DACH2: variants seen among roughly 807,000 people sequenced by gnomAD.
The protein encoded by DACH2 is dachshund homolog 2.
DACH2 carries 17 observed loss-of-function variants against 35.8 expected under a neutral mutation model. The observed-to-expected ratio is 0.48, with a 90% CI of 0.33 to 0.71. The LOEUF (loss-of-function observed/expected upper bound fraction) is 0.71, where lower values mean the gene tolerates loss of function less well. DACH2 is among the 30% of genes least tolerant of loss of function. The pLI, the probability that DACH2 is intolerant of heterozygous loss-of-function variation, is 0.02. For missense variants in DACH2, 469 were observed against 472.7 expected (o/e 0.99, Z 0.07); for synonymous variants, 195 against 177.3 (o/e 1.10, Z -0.79).
intron 1 of DACH2, among the ~76,000 whole-genome samples, chrX:86,240,943 T>C (rs1265845167): frequency 9.0e-6 from 1 of 111,501 alleles, no homozygotes; most frequent in Non-Finnish European, 1.9e-5. Context: ...TGAGGCCTCC[T>C]AGCCATGCTT....
rs972278082 is a variant in DACH2 at position 86,725,122 on chromosome X, C to A, written c.1104+10402C>A. Among the ~76,000 whole-genome samples, 6 of 108,028 alleles carry A rather than the reference C, an allele frequency of 5.6e-5. No homozygotes were observed. The Admixed American group carries it at 6.0e-4, about 11-fold the overall frequency. 93.8% of individuals were successfully genotyped at this position (108,028 alleles called of 115,157 possible). Reference sequence around the variant, plus strand: ...TTTATTTGCATTTGTTTTCAGATTTCTCTTTCATGTGATTGAGCTTCTCTA... The same window carrying A: ...TTTATTTGCATTTGTTTTCAGATTTATCTTTCATGTGATTGAGCTTCTCTA... On this transcript the variant is annotated intron_variant, in intron 6 of 11. Coordinates refer to ENST00000373125, the MANE Select transcript of DACH2 (RefSeq NM_053281.3).
intron 3 of DACH2, among the ~76,000 whole-genome samples, chrX:86,550,415 C>T (rs886918757): frequency 1.8e-5 from 2 of 111,147 alleles, no homozygotes; most frequent in Non-Finnish European, 3.8e-5. Flanking sequence ...TGTAGAATAA[C>T]AGCTTCTAGG....
At chrX:86,391,136 G>A (rs1386282997) in intron 2 of DACH2, among the ~76,000 whole-genome samples, 1 of 105,439 alleles carries the variant, frequency 9.5e-6, no homozygotes, top group Non-Finnish European at 1.9e-5. Flanking sequence ...CAAAAAGTTA[G>A]CCAGGTGTGG....
intron 1 of DACH2, among the ~76,000 whole-genome samples, chrX:86,236,621 G>T (rs928001762): frequency 3.6e-5 from 4 of 111,974 alleles, no homozygotes; most frequent in African/African-American, 1.3e-4. Context: ...ACTGAATACT[G>T]TAGACAATTG....
At position 86,698,537 on chromosome X, in the gene DACH2, T is replaced by TTTTTTTTTTTTG. The variant is rs749962513; in HGVS notation, c.931+3369_931+3370insGTTTTTTTTTTT. 3.9e-4 allele frequency among the ~76,000 whole-genome samples: 26 copies of TTTTTTTTTTTTG among 66,655 alleles called. 4 individuals are homozygous for TTTTTTTTTTTTG. The highest frequency in any genetic ancestry group is 1.5e-3 in the African/African-American group (26 of 17,580). 57.9% of individuals were successfully genotyped at this position (66,655 alleles called of 115,157 possible). Reference sequence around the variant, plus strand: ...TAGTTTTGTGTTTTTTTTTTTTTTTTTTTTTTTTTTTACAGGGTCTCACTC... The same window carrying TTTTTTTTTTTTG: ...TAGTTTTGTGTTTTTTTTTTTTTTTTTTTTTTTTTTTGTTTTTTTTTTTACAGGGTCTCACTC... On this transcript the variant is annotated intron_variant, in intron 5 of 11. Transcript: ENST00000373125.
intron 2 of DACH2, among the ~76,000 whole-genome samples, chrX:86,444,571 G>A (rs1345508796): frequency 9.0e-6 from 1 of 111,678 alleles, no homozygotes; most frequent in Non-Finnish European, 1.9e-5. Flanking sequence ...TATCCAATTT[G>A]TTGGTGTATA....
At chrX:86,729,441 G>A (rs1241756217) in intron 6 of DACH2, among the ~76,000 whole-genome samples, 2 of 111,735 alleles carry the variant, frequency 1.8e-5, no homozygotes, top group South Asian at 3.8e-4. Flanking sequence ...TGTCTCACAC[G>A]AGACTTTGGA....
intron 2 of DACH2, among the ~76,000 whole-genome samples, chrX:86,474,932 C>T (rs1432512202): frequency 1.8e-5 from 2 of 111,083 alleles, no homozygotes; most frequent in Non-Finnish European, 3.8e-5. Flanking sequence ...CAGAGTTTCA[C>T]GATGTTGGCC....
intron 7 of DACH2, among the ~76,000 whole-genome samples, chrX:86,805,630 A>G (rs2042337539): frequency 9.0e-6 from 1 of 110,898 alleles, no homozygotes; most frequent in African/African-American, 3.3e-5. Flanking sequence ...CCTTTTAAAC[A>G]TAAGTTCCAG....
chrX:86,325,708 C>T (rs974375662), intron 1 of DACH2, among the ~76,000 whole-genome samples: 35 of 112,084 alleles, frequency 3.1e-4, no homozygotes, highest in Admixed American at 9.5e-4. Flanking sequence ...AATTTTCACT[C>T]AACATTTCCA....
At chrX:86,424,271 G>A (rs1443165546) in intron 2 of DACH2, among the ~76,000 whole-genome samples, 1 of 110,897 alleles carries the variant, frequency 9.0e-6, no homozygotes, top group African/African-American at 3.3e-5. Flanking sequence ...AGATTGCTTT[G>A]TGTACTATGG....
intron 5 of DACH2, among the ~76,000 whole-genome samples, chrX:86,712,973 T>A (rs1415786041): frequency 2.7e-5 from 3 of 111,666 alleles, no homozygotes; most frequent in Non-Finnish European, 5.7e-5. Context: ...TTTGTGACTA[T>A]CTTTATCAGA....
intron 1 of DACH2, among the ~76,000 whole-genome samples, chrX:86,361,150 A>G (rs1406415002): frequency 9.0e-6 from 1 of 111,608 alleles, no homozygotes; most frequent in African/African-American, 3.2e-5. Context: ...TCAGCAAACA[A>G]TATGTAACTT....
At chrX:86,524,539 A>C (rs1281024028) in intron 3 of DACH2, among the ~76,000 whole-genome samples, 1 of 112,153 alleles carries the variant, frequency 8.9e-6, no homozygotes, top group Non-Finnish European at 1.9e-5. Flanking sequence ...TTAGACTAAC[A>C]TGCATTTGCA....
Position 86,679,616 on chromosome X carries a change from CTGTGTGTGTGTG to C in DACH2, c.773-15373_773-15362del, listed in dbSNP as rs67988965. Among the ~76,000 whole-genome samples, 276 of 96,280 alleles carry C rather than the reference CTGTGTGTGTGTG, an allele frequency of 2.9e-3. 3 individuals carry two copies. The highest frequency in any genetic ancestry group is 9.7e-3 in the African/African-American group (258 of 26,494). The allele number at this position is 96,280 out of a possible 115,157, so 83.6% of individuals were successfully genotyped here. ...TCTCTCTCTCTCTCTCTCTCTGTCT[CTGTGTGTGTGTG>C]TGTGTGTGTGTGTGTGTGTGTGTGT... On this transcript the variant is annotated intron_variant, in intron 4 of 11. Transcript: ENST00000373125.
chrX:86,249,075 T>C (rs1488626052), intron 1 of DACH2, among the ~76,000 whole-genome samples: 3 of 111,479 alleles, frequency 2.7e-5, no homozygotes, highest in Non-Finnish European at 5.7e-5. Context: ...TAAAAACTTA[T>C]AGGTAAAACC....
At chrX:86,623,313 T>A (rs759354258) in intron 3 of DACH2, among the ~76,000 whole-genome samples, 1 of 112,496 alleles carries the variant, frequency 8.9e-6, no homozygotes, top group Non-Finnish European at 1.9e-5. Flanking sequence ...AAAGAAAATA[T>A]TTGGTGTTGA....
At chrX:86,781,246 G>A (rs189121768) in intron 7 of DACH2, among the ~76,000 whole-genome samples, 55 of 111,364 alleles carry the variant, frequency 4.9e-4, no homozygotes, top group African/African-American at 1.8e-3. Flanking sequence ...CACTCAGGGC[G>A]ATCTTAGCAG....
At chrX:86,726,915 G>C (rs2148469769) in intron 6 of DACH2, among the ~76,000 whole-genome samples, 1 of 112,077 alleles carries the variant, frequency 8.9e-6, no homozygotes, top group African/African-American at 3.2e-5. Context: ...GTTTCCATCA[G>C]TCTCTGCTGA....
Sources: gnomAD v4.1 joint callset for allele counts (sites outside exome capture counted in the v4.1 genomes callset) on GRCh38, gnomAD v4.1.1 for gene constraint, MANE v1.5 for transcripts, NCBI Gene and HGNC (gene_info 2026-07-23, HGNC 2026-07-21) for gene names.